Variants in CC2D2A observed in about 807,000 individuals in gnomAD.
The protein encoded by CC2D2A is coiled-coil and C2 domain-containing protein 2A.
Under a neutral mutation model 212.9 loss-of-function variants are expected in CC2D2A, and 155 were observed. That is an observed-to-expected ratio of 0.73 (90% CI 0.64 to 0.83). The LOEUF (loss-of-function observed/expected upper bound fraction) is 0.83, where lower values mean the gene tolerates loss of function less well. Ranked by LOEUF, CC2D2A falls within the 40% of genes least tolerant of loss-of-function variation. CC2D2A has a pLI of 0.00. For synonymous variants in CC2D2A, 667 were observed against 686.5 expected (o/e 0.97, Z 0.44); for missense variants, 1,856 against 1,956.2 (o/e 0.95, Z 0.97).
chr4:15,523,768 C>T (rs1157489489), intron 11 of CC2D2A, among the ~76,000 whole-genome samples: 2 of 152,202 alleles, frequency 1.3e-5, no homozygotes, highest in Non-Finnish European at 2.9e-5. Flanking sequence ...TGGTGGGCCT[C>T]ATTCTCTGCA....
chr4:15,537,168 C>A, intron 15 of CC2D2A, 92 bp downstream of exon 15: 2 of 1,103,238 alleles, frequency 1.8e-6, no homozygotes, highest in Non-Finnish European at 2.6e-6. Flanking sequence ...ACCAGACTGG[C>A]AGACTAGGGT....
intron 4 of CC2D2A, among the ~76,000 whole-genome samples, chr4:15,495,890 C>A (rs1028617998): frequency 2.0e-5 from 3 of 152,144 alleles, no homozygotes; most frequent in Non-Finnish European, 2.9e-5. Flanking sequence ...ACTTTGCCAG[C>A]ATCTGTTATT....
At chr4:15,470,602 C>G (rs149779161) in intron 1 of CC2D2A, among the ~76,000 whole-genome samples, 25 of 148,308 alleles carry the variant, frequency 1.7e-4, no homozygotes, top group Middle Eastern at 3.4e-3. Flanking sequence ...TTTGCTACTG[C>G]ATTTTCATAT....
intron 11 of CC2D2A, among the ~76,000 whole-genome samples, chr4:15,526,228 A>G (rs1447202992): frequency 1.3e-5 from 2 of 152,114 alleles, no homozygotes; most frequent in Non-Finnish European, 2.9e-5. Flanking sequence ...TTGTTGAGTA[A>G]ATGAGATGAT....
intron 1 of CC2D2A, among the ~76,000 whole-genome samples, chr4:15,472,223 G>A (rs1263596492): frequency 6.6e-6 from 1 of 152,192 alleles, no homozygotes; most frequent in Non-Finnish European, 1.5e-5. Flanking sequence ...CATGTAAATT[G>A]TCAGAGCCTC....
chr4:15,539,512 G>C (rs1167245473), intron 16 of CC2D2A, among the ~76,000 whole-genome samples: 1 of 152,200 alleles, frequency 6.6e-6, no homozygotes, highest in Non-Finnish European at 1.5e-5. Flanking sequence ...ACTTCTCACA[G>C]TCTTGGTTTC....
Position 15,599,604 on chromosome 4 carries a change from C to T in CC2D2A, c.4572C>T (p.Thr1524=), listed in dbSNP as rs1424386694. ...TGACTCGGTGGAATAGGTATTGTAC[C>T]TCTACTCTGCGTCACTTCTTGCCTC... is the stretch of plus-strand genomic sequence containing the variant. The part of the protein sequence containing the change: ...RHLTRWNRYC[T]STLRHFLPLL... Residue 1524 remains threonine, a synonymous_variant, in exon 36 of 37, where the codon ACC becomes ACT. Transcript: ENST00000424120. 6.2e-7 allele frequency: 1 copy of T among 1,613,170 alleles called. No individual in the cohort carries two copies. The highest frequency in any genetic ancestry group is 1.1e-5 in the South Asian group (1 of 90,954).
chr4:15,526,963 C>T (rs2109023576), intron 11 of CC2D2A, among the ~76,000 whole-genome samples: 1 of 152,308 alleles, frequency 6.6e-6, no homozygotes. Context: ...CAGCATGATG[C>T]TCAGTTAGGT....
chr4:15,574,223 A>T lies in CC2D2A; in HGVS notation c.3668A>T (p.Glu1223Val). 6.4e-7 allele frequency: 1 copy of T among 1,551,482 alleles called. No individual in the cohort carries two copies. The highest frequency in any genetic ancestry group is 1.2e-5 in the South Asian group (1 of 84,060). Residue 1223 changes from glutamate to valine, a missense_variant, in exon 29 of 37, where the codon GAG (glutamate) becomes GTG (valine). Physicochemically the swap from Glu to Val is moderately radical, Grantham distance 121 (BLOSUM62 -2). Coordinates refer to ENST00000424120, the MANE Select transcript of CC2D2A (RefSeq NM_001378615.1). Reference sequence around the variant, plus strand: ...AGTAAGGAGCGAAATATGATTCTTGAGCGGGGTTTTGATTCTGTCCGAAGC... The same window carrying T: ...AGTAAGGAGCGAAATATGATTCTTGTGCGGGGTTTTGATTCTGTCCGAAGC... The part of the protein sequence containing the change: ...GYSKERNMIL[E>V]RGFDSVRSLS...
chr4:15,518,232 C>T (rs1025001625), intron 11 of CC2D2A, among the ~76,000 whole-genome samples: 3 of 152,186 alleles, frequency 2.0e-5, no homozygotes, highest in Non-Finnish European at 4.4e-5. Flanking sequence ...AAAGCAAGTC[C>T]CTTCTGCCTA....
At chr4:15,591,358 T>G (rs1721100121) in intron 33 of CC2D2A, among the ~76,000 whole-genome samples, 1 of 152,020 alleles carries the variant, frequency 6.6e-6, no homozygotes, top group Non-Finnish European at 1.5e-5. Context: ...TAGCTGGGAT[T>G]ACAGGCATGC....
chr4:15,478,908 T>G, intron 3 of CC2D2A, 102 bp downstream of exon 3: 1 of 1,029,146 alleles, frequency 9.7e-7, no homozygotes, highest in Admixed American at 2.1e-5. Context: ...CTTCCTTCTT[T>G]TGGTACCAAC....
intron 33 of CC2D2A, among the ~76,000 whole-genome samples, chr4:15,594,094 TTAA>T (rs1321340428): frequency 1.3e-5 from 2 of 152,108 alleles, no homozygotes; most frequent in Non-Finnish European, 2.9e-5. Context: ...TGCTCACTCT[TTAA>T]AACTACTTCA....
chr4:15,555,355 C>T, intron 20 of CC2D2A, 145 bp downstream of exon 20: 2 of 1,032,998 alleles, frequency 1.9e-6, no homozygotes, highest in Non-Finnish European at 2.8e-6. Context: ...TGCTTCTTGC[C>T]TGGCTATGGG....
At chr4:15,584,432 A>C (rs1374212600) in intron 30 of CC2D2A, among the ~76,000 whole-genome samples, 1 of 152,228 alleles carries the variant, frequency 6.6e-6, no homozygotes, top group Non-Finnish European at 1.5e-5. Flanking sequence ...ATGGTGCTGG[A>C]AAAATGACAT....
At chr4:15,495,454 T>C (rs1483584762) in intron 4 of CC2D2A, among the ~76,000 whole-genome samples, 1 of 152,140 alleles carries the variant, frequency 6.6e-6, no homozygotes, top group Non-Finnish European at 1.5e-5. Context: ...AATGTTTAGC[T>C]CCCCCTTATA....
At chr4:15,570,960 T>C (rs865900221) in intron 28 of CC2D2A, among the ~76,000 whole-genome samples, 3 of 152,186 alleles carry the variant, frequency 2.0e-5, no homozygotes, top group Admixed American at 6.5e-5. Context: ...GAAGAATATA[T>C]ATGCAAAGCC....
At chr4:15,485,074 C>T (rs1351959009) in intron 4 of CC2D2A, among the ~76,000 whole-genome samples, 1 of 152,180 alleles carries the variant, frequency 6.6e-6, no homozygotes, top group Non-Finnish European at 1.5e-5. Context: ...TTCCCCAATG[C>T]AATATTTGGA....
intron 24 of CC2D2A, among the ~76,000 whole-genome samples, chr4:15,565,761 A>T (rs1719852077): frequency 1.3e-5 from 2 of 152,076 alleles, no homozygotes; most frequent in South Asian, 4.1e-4. Context: ...GGTACACACC[A>T]CCAAGCCCAG....
Sources: allele counts gnomAD v4.1 joint callset (sites outside exome capture counted in the v4.1 genomes callset), GRCh38; gene constraint gnomAD v4.1.1; transcripts MANE v1.5; gene names NCBI Gene and HGNC (gene_info 2026-07-23, HGNC 2026-07-21).